The following CHAF1A variants were observed in gnomAD, a reference collection of about 807,000 sequenced individuals.
The protein encoded by CHAF1A is chromatin assembly factor 1 subunit A, also known as CAF-1 subunit A.
Under a neutral mutation model 93.2 loss-of-function variants are expected in CHAF1A, and 5 were observed. The ratio of observed to expected loss-of-function variants is 0.05; its 90% CI spans 0.03 to 0.11. The LOEUF (loss-of-function observed/expected upper bound fraction) is 0.11, where lower values mean the gene tolerates loss of function less well. CHAF1A is among the 10% of genes least tolerant of loss of function. CHAF1A has a pLI of 1.00. For synonymous variants in CHAF1A, 504 were observed against 510.3 expected, an observed-to-expected ratio of 0.99 and a Z score of 0.17; for missense variants, 1,102 against 1,259.9, an observed-to-expected ratio of 0.87 and a Z score of 1.90.
intron 13 of CHAF1A, among the ~76,000 whole-genome samples, chr19:4,435,087 C>CTT (rs869255408): frequency 0.054 from 4,748 of 87,978 alleles, 180 homozygotes; most frequent in African/African-American, 0.097. Flanking sequence ...CTTTTTTTTC[C>CTT]TTTTTTTTTT....
chr19:4,433,413 C>T lies in CHAF1A; in HGVS notation c.2547C>T (p.Pro849=), dbSNP rs766126613. The T allele has an allele frequency of 5.0e-6, 8 of 1,612,456 alleles. No individual in the cohort carries two copies. In the South Asian group the frequency reaches 7.7e-5, roughly 15 times the overall value. The change falls in exon 13 of 15, where the codon CCC becomes CCT. Residue 849 remains proline (P), a synonymous_variant. Transcript: ENST00000301280. This position sits in a 1 kb window ranked among gnomAD's most constrained non-coding sequence, Gnocchi z 5.6. The part of the protein sequence containing the change: ...WSYVTSVPSA[P]KEDSGSVPST... The stretch of plus-strand genomic sequence containing the variant: ...ATGTGACATCGGTGCCCTCGGCCCC[C>T]AAAGAGGACAGTGGCAGCGTCCCCT...
At chr19:4,438,914 G>T in intron 13 of CHAF1A, among the ~76,000 whole-genome samples, 1 of 152,162 alleles carries the variant, frequency 6.6e-6, no homozygotes, top group East Asian at 1.9e-4. Flanking sequence ...CCTGGGAGGC[G>T]GAGCTTGCGG....
At position 4,429,547 on chromosome 19, in the gene CHAF1A, G is replaced by A. The variant is rs1158564938; in HGVS notation, c.1714G>A (p.Gly572Ser). The A allele has an allele frequency of 6.8e-6, 11 of 1,613,996 alleles. No individual in the cohort carries two copies. Among genetic ancestry groups the A allele is most frequent in the Non-Finnish European group, 9.3e-6 (11 of 1,179,980 alleles). Residue 572 changes from glycine to serine, a missense_variant, in exon 9 of 15, where the codon GGT becomes AGT. Around this residue, in one of 6 missense-constraint regions of CHAF1A, gnomAD observed 335 missense variants for 361.9 expected, o/e 0.93. Transcript: ENST00000301280. ...TGAGAACCACCGGCCTGCCTACTGG[G>A]GTACCTGGAATAAGAAGACGGCACT... ...FCENHRPAYWGTWNKKTALIR... is the reference protein window; with the variant it reads ...FCENHRPAYWSTWNKKTALIR...
At chr19:4,419,171 C>T (rs903816485) in intron 4 of CHAF1A, among the ~76,000 whole-genome samples, 2 of 151,564 alleles carry the variant, frequency 1.3e-5, no homozygotes, top group Admixed American at 6.6e-5. Context: ...TGAGCCACTA[C>T]ACCTGGCCGC....
chr19:4,427,911 A>G (rs1974114218), intron 7 of CHAF1A, among the ~76,000 whole-genome samples: 1 of 151,970 alleles, frequency 6.6e-6, no homozygotes, highest in Non-Finnish European at 1.5e-5. Flanking sequence ...TTTAGTAGAG[A>G]CGGGGTTTCA....
chr19:4,431,083 C>G (rs1444238020), intron 11 of CHAF1A: 1 of 161,516 alleles, frequency 6.2e-6, no homozygotes, highest in Non-Finnish European at 1.4e-5. Flanking sequence ...TGCAGGCGAA[C>G]CTGCCTGCCA....
chr19:4,406,996 C>T (rs1442588583), intron 2 of CHAF1A, among the ~76,000 whole-genome samples: 1 of 151,824 alleles, frequency 6.6e-6, no homozygotes, highest in Non-Finnish European at 1.5e-5. Flanking sequence ...CTAAGGTGGG[C>T]GGATTGTCTG....
At chr19:4,407,349 C>T (rs1350266115) in intron 2 of CHAF1A, among the ~76,000 whole-genome samples, 1 of 151,640 alleles carries the variant, frequency 6.6e-6, no homozygotes, top group Non-Finnish European at 1.5e-5. Context: ...GGGAAATTCA[C>T]TCTCCAAAGT....
In CHAF1A at chr19:4,432,165, C is replaced by G. The variant is rs1353011620; in HGVS notation, c.2161C>G (p.Gln721Glu). 1 of 1,611,832 alleles carries G rather than the reference C, an allele frequency of 6.2e-7. No homozygotes were observed. The highest frequency in any genetic ancestry group is 1.3e-5 in the African/African-American group (1 of 74,832). ...GGAGACCCTGCCGGCCCAGGAGGAG[C>G]AGACGCCCAAGGCCTCCAAGCGGGA... ...FLETLPAQEE[Q>E]TPKASKRERR... Residue 721 changes from glutamine (Q) to glutamate (E), a missense_variant, in exon 12 of 15, where the codon CAG becomes GAG. This residue lies in a region of CHAF1A where 335 missense variants were observed against 361.9 expected (regional missense o/e 0.93). Transcript: ENST00000301280.
chr19:4,438,386 T>C lies in CHAF1A; in HGVS notation c.2674-3859T>C, dbSNP rs189261794. Among the ~76,000 whole-genome samples, 180 of 144,804 alleles carry C rather than the reference T, an allele frequency of 1.2e-3. 1 individual carries two copies. Among genetic ancestry groups the C allele is most frequent in the African/African-American group, 4.3e-3 (173 of 39,816 alleles). 95.0% of individuals were successfully genotyped at this position (144,804 alleles called of 152,430 possible). A position where few individuals can be genotyped will look rare whatever the true frequency, so the allele number is the denominator to read the frequency against. ...TTTGTTTTGTTTTGTTTTGTAGATA[T>C]TGGGTCCTGCTGTGTTGCCCAGGCT... On this transcript the variant is annotated intron_variant, in intron 13 of 14. Transcript: ENST00000301280.
At chr19:4,421,506 G>A (rs1245033778) in intron 4 of CHAF1A, among the ~76,000 whole-genome samples, 1 of 152,186 alleles carries the variant, frequency 6.6e-6, no homozygotes, top group Non-Finnish European at 1.5e-5. Context: ...GCTGGGTGCT[G>A]GGGCTCATGC....
intron 3 of CHAF1A, among the ~76,000 whole-genome samples, chr19:4,414,407 A>AC (rs1312809586): frequency 2.0e-5 from 3 of 151,888 alleles, no homozygotes; most frequent in Admixed American, 2.0e-4. Context: ...AAAAAAAAAA[A>AC]AAAACAAAAA....
In CHAF1A at chr19:4,428,997, T is replaced by C. The variant is rs557573700; in HGVS notation, c.1604+107T>C. 3.1e-3 allele frequency: 2,697 copies of C among 883,804 alleles called. 18 individuals carry two copies. Among genetic ancestry groups the C allele is most frequent in the Non-Finnish European group, 2.6e-3 (1,480 of 571,218 alleles). 54.7% of individuals were successfully genotyped at this position (883,804 alleles called of 1,614,324 possible). ...AGCTCTGGGTCCTTCTGTTGCTTGCTTCCTAGTGCCCTCGGGCCCTGGGCT... is the reference window on the plus strand; with the variant it reads ...AGCTCTGGGTCCTTCTGTTGCTTGCCTCCTAGTGCCCTCGGGCCCTGGGCT... On this transcript the variant is annotated intron_variant, in intron 8 of 14. Coordinates refer to ENST00000301280, the MANE Select transcript of CHAF1A (RefSeq NM_005483.3).
chr19:4,419,981 C>G (rs1350634999), intron 4 of CHAF1A, among the ~76,000 whole-genome samples: 1 of 152,060 alleles, frequency 6.6e-6, no homozygotes, highest in African/African-American at 2.4e-5. Flanking sequence ...TCGTGTGTCT[C>G]GTATATCAGA....
chr19:4,446,187 G>C (rs183725976), downstream of CHAF1A: 1 of 1,604,522 alleles, frequency 6.2e-7, no homozygotes, highest in Admixed American at 1.7e-5. Context: ...GCTCCCGAGC[G>C]TAGAAAGTGC....
At chr19:4,438,525 A>G (rs1974328017) in intron 13 of CHAF1A, among the ~76,000 whole-genome samples, 1 of 152,030 alleles carries the variant, frequency 6.6e-6, no homozygotes, top group Non-Finnish European at 1.5e-5. Flanking sequence ...CTCAAAAGAG[A>G]TATTCTTAAG....
Position 4,422,455 on chromosome 19 carries a change from C to T in CHAF1A, c.1018-111C>T, listed in dbSNP as rs999646491. ...TGAGCCACCATGCCTAGCCTTGGTC[C>T]CTCAATTCTGTTCATCCCGTCCAGG... On this transcript the variant is annotated intron_variant, in intron 4 of 14. Transcript: ENST00000301280. This position sits in a 1 kb window ranked among gnomAD's most constrained non-coding sequence, Gnocchi z 4.6. 10 of 957,992 alleles carry T rather than the reference C, an allele frequency of 1.0e-5. No homozygotes were observed. Among genetic ancestry groups the T allele is most frequent in the Non-Finnish European group, 1.6e-5 (10 of 634,074 alleles). 59.3% of individuals were successfully genotyped at this position (957,992 alleles called of 1,614,324 possible).
chr19:4,446,890 C>T (rs760378707), downstream of CHAF1A: 29 of 1,613,862 alleles, frequency 1.8e-5, no homozygotes, highest in East Asian at 4.0e-4. Flanking sequence ...TCAAAAAACT[C>T]GTGGGTCCCT....
In CHAF1A at chr19:4,443,282, C is replaced by T; in HGVS notation, c.*257C>T. ...TTGGGGAAGCCTGCGGGCACAGGAG[C>T]AGGCGTGGAATCCAATACTTGTAAA... On this transcript the variant is annotated 3_prime_UTR_variant, in exon 15 of 15. Coordinates refer to ENST00000301280, the MANE Select transcript of CHAF1A (RefSeq NM_005483.3). 6.4e-6 allele frequency: 3 copies of T among 470,766 alleles called. No individual in the cohort carries two copies. Among genetic ancestry groups the T allele is most frequent in the Non-Finnish European group, 1.2e-5 (3 of 255,648 alleles). The allele number at this position is 470,766 out of a possible 1,614,324, so 29.2% of individuals were successfully genotyped here. A position where few individuals can be genotyped will look rare whatever the true frequency, so the allele number is the denominator to read the frequency against.
Sources: allele counts gnomAD v4.1 joint callset (sites outside exome capture counted in the v4.1 genomes callset), GRCh38; gene constraint gnomAD v4.1.1; regional missense constraint gnomAD v4.1.1; non-coding constraint Gnocchi (gnomAD v3.1); transcripts MANE v1.5; gene names NCBI Gene and HGNC (gene_info 2026-07-23, HGNC 2026-07-21).